GPR107: variants seen among roughly 807,000 people sequenced by gnomAD.
GPR107 encodes G protein-coupled receptor 107, also known as protein GPR107.
A neutral mutation model predicts 75.5 loss-of-function variants in GPR107; 31 were observed. The ratio of observed to expected loss-of-function variants is 0.41; its 90% CI spans 0.31 to 0.55. GPR107 has a LOEUF of 0.55. Ranked by LOEUF, GPR107 falls within the 20% of genes least tolerant of loss-of-function variation. The pLI, the probability that GPR107 is intolerant of heterozygous loss-of-function variation, is 0.26. For synonymous variants in GPR107, 267 were observed against 251.3 expected, an observed-to-expected ratio of 1.06 and a Z score of -0.59; for missense variants, 572 against 665.7, an observed-to-expected ratio of 0.86 and a Z score of 1.55.
In GPR107 at chr9:130,078,981, C is replaced by T. The variant is rs575446054; in HGVS notation, c.387-649C>T. ...CACTTGCTTTCTTTATTTTTTGAGACGGGGTCTCGCTCTGTGGCCCAGGCT... is the reference window on the plus strand; with the variant it reads ...CACTTGCTTTCTTTATTTTTTGAGATGGGGTCTCGCTCTGTGGCCCAGGCT... On this transcript the variant is annotated intron_variant, in intron 4 of 17. Coordinates refer to ENST00000347136, the MANE Select transcript of GPR107 (RefSeq NM_020960.5). 8.5e-5 allele frequency among the ~76,000 whole-genome samples: 13 copies of T among 152,278 alleles called. No homozygotes were observed. The South Asian group carries it at 1.5e-3, about 17-fold the overall frequency.
At chr9:130,114,585 C>T in intron 14 of GPR107, 1 of 463,966 alleles carries the variant, frequency 2.2e-6, no homozygotes, top group Middle Eastern at 6.0e-4. Context: ...AGAGTCTCAC[C>T]ATTTTGCCCA....
chr9:130,121,082 A>G (rs1831535481), intron 14 of GPR107, among the ~76,000 whole-genome samples: 1 of 152,074 alleles, frequency 6.6e-6, no homozygotes, highest in South Asian at 2.1e-4. Context: ...CTGTAGTCCC[A>G]GCTGTTTGAG....
chr9:130,122,332 C>T (rs1252655310), intron 14 of GPR107, among the ~76,000 whole-genome samples: 1 of 152,134 alleles, frequency 6.6e-6, no homozygotes, highest in African/African-American at 2.4e-5. Flanking sequence ...TTCTGTTAGG[C>T]AGAGTACAGT....
At chr9:130,104,147 G>C (rs1164416184) in intron 12 of GPR107, among the ~76,000 whole-genome samples, 1 of 152,164 alleles carries the variant, frequency 6.6e-6, no homozygotes, top group Non-Finnish European at 1.5e-5. Flanking sequence ...AAGAGAGCTG[G>C]GTGGAAGCTT....
chr9:130,116,546 C>G (rs926682461), intron 14 of GPR107, among the ~76,000 whole-genome samples: 6 of 152,180 alleles, frequency 3.9e-5, no homozygotes, highest in Admixed American at 6.5e-5. Context: ...TGCAGGGTTG[C>G]GTCCCAAGTC....
chr9:130,065,685 T>TGAACCCAGG (rs1457495381), intron 1 of GPR107, among the ~76,000 whole-genome samples: 4 of 148,788 alleles, frequency 2.7e-5, no homozygotes, highest in African/African-American at 1.0e-4. Flanking sequence ...GAGAATCACT[T>TGAACCCAGG]GAACCCAGGA....
At chr9:130,060,545 A>G (rs1431087311) in intron 1 of GPR107, among the ~76,000 whole-genome samples, 1 of 151,834 alleles carries the variant, frequency 6.6e-6, no homozygotes, top group East Asian at 1.9e-4. Context: ...TCAGCCTCCA[A>G]AGTAGCTAAG....
chr9:130,087,271 C>T (rs1196128597), intron 7 of GPR107, among the ~76,000 whole-genome samples: 1 of 152,022 alleles, frequency 6.6e-6, no homozygotes, highest in African/African-American at 2.4e-5. Context: ...CTCCTGGGAT[C>T]AAGCAGTCCT....
chr9:130,139,893 C>T lies in GPR107; in HGVS notation c.*4772C>T, dbSNP rs967886186. On this transcript the variant is annotated 3_prime_UTR_variant, in exon 18 of 18. Transcript: ENST00000347136. ...AGATCGTAAATTGCATTTGCCTAGTCGTGTGACCTCAAAAGAAGTCAGACA... is the reference window on the plus strand; with the variant it reads ...AGATCGTAAATTGCATTTGCCTAGTTGTGTGACCTCAAAAGAAGTCAGACA... The T allele has an allele frequency of 5.9e-5, 9 of 152,146 alleles. No individual in the cohort carries two copies. Among genetic ancestry groups the T allele is most frequent in the African/African-American group, 1.4e-4 (6 of 41,424 alleles). 9.4% of individuals were successfully genotyped at this position (152,146 alleles called of 1,614,324 possible). A position where few individuals can be genotyped will look rare whatever the true frequency, so the allele number is the denominator to read the frequency against.
chr9:130,139,872 C>G lies in GPR107; in HGVS notation c.*4751C>G, dbSNP rs7861300. On this transcript the variant is annotated 3_prime_UTR_variant, in exon 18 of 18. Transcript: ENST00000347136. ...GACTCTTCAAACAGCTTTTGCAGAT[C>G]GTAAATTGCATTTGCCTAGTCGTGT... is the stretch of plus-strand genomic sequence containing the variant. 2.0e-5 allele frequency: 3 copies of G among 152,160 alleles called. No homozygotes were observed. Among genetic ancestry groups the G allele is most frequent in the African/African-American group, 4.8e-5 (2 of 41,424 alleles). The allele number at this position is 152,160 out of a possible 1,614,324, so 9.4% of individuals were successfully genotyped here.
chr9:130,077,165 C>T (rs1364085202), intron 3 of GPR107, 134 bp from the exon 4 acceptor site: 16 of 627,888 alleles, frequency 2.5e-5, no homozygotes, highest in Non-Finnish European at 3.2e-5. Context: ...GGATTACAGG[C>T]GTGAGCCACC....
intron 17 of GPR107, among the ~76,000 whole-genome samples, chr9:130,132,773 G>A (rs550784626): frequency 2.6e-5 from 4 of 150,982 alleles, no homozygotes; most frequent in African/African-American, 7.3e-5. Context: ...GTGACAGAGC[G>A]AGACTTCATC....
chr9:130,110,080 G>T (rs1439817591), intron 14 of GPR107, among the ~76,000 whole-genome samples: 1 of 151,950 alleles, frequency 6.6e-6, no homozygotes, highest in Admixed American at 6.6e-5. Context: ...CGTCCTCCCC[G>T]GCCCCTGCTT....
intron 1 of GPR107, among the ~76,000 whole-genome samples, chr9:130,074,267 G>A (rs1161381997): frequency 6.6e-6 from 1 of 151,940 alleles, no homozygotes; most frequent in Non-Finnish European, 1.5e-5. Flanking sequence ...AGGGGATTTA[G>A]TTTATGCTGT....
intron 14 of GPR107, among the ~76,000 whole-genome samples, chr9:130,114,293 C>T (rs916289428): frequency 5.3e-5 from 8 of 151,992 alleles, no homozygotes; most frequent in Middle Eastern, 3.4e-3. Context: ...TGCTTGAACC[C>T]GGGAGGCGGA....
rs35984705 is a variant in GPR107 at position 130,087,805 on chromosome 9, C to CA, written c.621+1349dup. 3.5e-3 allele frequency among the ~76,000 whole-genome samples: 310 copies of CA among 87,584 alleles called. 9 individuals are homozygous for CA. The highest frequency in any genetic ancestry group is 9.4e-3 in the African/African-American group (210 of 22,262). The allele number at this position is 87,584 out of a possible 152,430, so 57.5% of individuals were successfully genotyped here. On this transcript the variant is annotated intron_variant, in intron 7 of 17. Coordinates refer to ENST00000347136, the MANE Select transcript of GPR107 (RefSeq NM_020960.5). ...TGGGTGACAGAGTGAGACCCTGTCT[C>CA]AAAAAAAAAAAAAAAAAAAAGCCTA...
At chr9:130,090,338 A>G (rs1285560352) in intron 7 of GPR107, among the ~76,000 whole-genome samples, 1 of 152,214 alleles carries the variant, frequency 6.6e-6, no homozygotes, top group Non-Finnish European at 1.5e-5. Context: ...CTAAAACCAT[A>G]GTTGTAAATT....
intron 1 of GPR107, among the ~76,000 whole-genome samples, chr9:130,068,919 T>A (rs1311416248): frequency 6.6e-6 from 1 of 152,098 alleles, no homozygotes; most frequent in Non-Finnish European, 1.5e-5. Context: ...TTTGTATTTT[T>A]GGCAGAGATG....
At chr9:130,134,445 C>A (rs1554899653) in intron 17 of GPR107, among the ~76,000 whole-genome samples, 1 of 152,222 alleles carries the variant, frequency 6.6e-6, no homozygotes, top group African/African-American at 2.4e-5. Flanking sequence ...AGAGTGGAGG[C>A]AGAGGCCATG....
Sources: allele counts gnomAD v4.1 joint callset (sites outside exome capture counted in the v4.1 genomes callset), GRCh38; gene constraint gnomAD v4.1.1; transcripts MANE v1.5; gene names NCBI Gene and HGNC (gene_info 2026-07-23, HGNC 2026-07-21).